Variants in CCDC81 observed in about 807,000 individuals in gnomAD.
The protein encoded by CCDC81 is coiled-coil domain containing 81.
A neutral mutation model predicts 83.7 loss-of-function variants in CCDC81; 79 were observed. The observed-to-expected ratio is 0.94, with a 90% CI of 0.79 to 1.14. CCDC81 has a LOEUF of 1.14. Among genes scored for constraint, CCDC81 ranks in the 50% most tolerant of loss-of-function variants. The pLI is 0.00. For synonymous variants in CCDC81, 252 were observed against 278.1 expected, an observed-to-expected ratio of 0.91 and a Z score of 0.93; for missense variants, 791 against 778.1, an observed-to-expected ratio of 1.02 and a Z score of -0.20.
At chr11:86,390,895 C>G (rs995678702) in intron 3 of CCDC81, among the ~76,000 whole-genome samples, 18 of 151,954 alleles carry the variant, frequency 1.2e-4, no homozygotes, top group East Asian at 9.6e-4. Flanking sequence ...GATACCAGAG[C>G]TTAGGAGAAG....
At chr11:86,380,728 C>A (rs1381107657) in intron 1 of CCDC81, among the ~76,000 whole-genome samples, 2 of 152,158 alleles carry the variant, frequency 1.3e-5, no homozygotes, top group African/African-American at 4.8e-5. Context: ...GTAAGCCTAT[C>A]AAAGGCATTC....
intron 10 of CCDC81, among the ~76,000 whole-genome samples, chr11:86,410,449 G>A (rs570734903): frequency 6.6e-6 from 1 of 152,226 alleles, no homozygotes; most frequent in South Asian, 2.1e-4. Flanking sequence ...CACTATATGA[G>A]CAAAAGAAGA....
intron 13 of CCDC81, 105 bp downstream of exon 13, chr11:86,415,418 T>G: frequency 1.2e-6 from 1 of 845,422 alleles, no homozygotes; most frequent in Non-Finnish European, 1.9e-6. Context: ...TCTCATACAA[T>G]AGTGGAGAAA....
intron 1 of CCDC81, among the ~76,000 whole-genome samples, chr11:86,379,044 T>C (rs368998776): frequency 1.6e-4 from 25 of 152,176 alleles, no homozygotes; most frequent in African/African-American, 5.8e-4. Context: ...TACCCATCTT[T>C]ATTTTCCACT....
intron 1 of CCDC81, among the ~76,000 whole-genome samples, chr11:86,384,959 TG>T (rs1948221555): frequency 6.6e-6 from 1 of 152,256 alleles, no homozygotes; most frequent in Admixed American, 6.5e-5. Flanking sequence ...CTACCACACT[TG>T]TTTGGAACAC....
In CCDC81 at chr11:86,391,181, C is replaced by G. The variant is rs532765736; in HGVS notation, c.299-1360C>G. ...CAAATGGGAGGAGAAAATCCAGAGGCAGGCAAGACAGCCTTCTTTTTAAGA... is the reference window on the plus strand; with the variant it reads ...CAAATGGGAGGAGAAAATCCAGAGGGAGGCAAGACAGCCTTCTTTTTAAGA... On this transcript the variant is annotated intron_variant, in intron 3 of 14. Coordinates refer to ENST00000445632, the MANE Select transcript of CCDC81 (RefSeq NM_001156474.2). 3.9e-5 allele frequency among the ~76,000 whole-genome samples: 6 copies of G among 152,276 alleles called. No individual in the cohort carries two copies. The East Asian group carries it at 5.8e-4, about 15-fold the overall frequency.
chr11:86,391,562 A>G (rs902145029), intron 3 of CCDC81, among the ~76,000 whole-genome samples: 1 of 152,104 alleles, frequency 6.6e-6, no homozygotes, highest in Non-Finnish European at 1.5e-5. Context: ...ATTCCTTTGT[A>G]GTGTCATATA....
At chr11:86,419,897 T>C (rs1476083294) in intron 13 of CCDC81, 31 bp from the exon 14 acceptor site, 1 of 1,586,002 alleles carries the variant, frequency 6.3e-7, no homozygotes, top group East Asian at 2.2e-5. Flanking sequence ...CTTCCAAGTA[T>C]TATGGAGCCA....
intron 1 of CCDC81, among the ~76,000 whole-genome samples, chr11:86,379,926 C>A (rs1948153921): frequency 6.6e-6 from 1 of 152,032 alleles, no homozygotes; most frequent in Non-Finnish European, 1.5e-5. Context: ...GTGGAGGTTG[C>A]AGTGAGCCAA....
chr11:86,404,981 T>C (rs1948544592), intron 7 of CCDC81, among the ~76,000 whole-genome samples: 3 of 152,220 alleles, frequency 2.0e-5, no homozygotes, highest in Admixed American at 2.0e-4. Context: ...TTTACAGTAA[T>C]TGTTTTATGT....
chr11:86,410,244 G>A (rs974779581), intron 10 of CCDC81, among the ~76,000 whole-genome samples: 10 of 152,110 alleles, frequency 6.6e-5, no homozygotes, highest in East Asian at 5.8e-4. Flanking sequence ...TCGACACTCC[G>A]GACATAAATC....
Position 86,400,748 on chromosome 11 carries a change from GC to G in CCDC81, c.829del (p.Leu277TrpfsTer14). ...CTGCCAAAGTGACAAATGTCAGCTT[GC>G]TGGAAAAGTTTGAACGAAGTGAGAG... ...FPAKVTNVSL[L>X]EKFERSESGG... On this transcript the variant is annotated frameshift_variant, in exon 7 of 15. Transcript: ENST00000445632. LOFTEE classifies it high-confidence loss of function. 6.2e-7 allele frequency: 1 copy of G among 1,613,154 alleles called. No individual in the cohort carries two copies. The highest frequency in any genetic ancestry group is 8.5e-7 in the Non-Finnish European group (1 of 1,179,264).
intron 1 of CCDC81, among the ~76,000 whole-genome samples, chr11:86,383,438 T>A (rs1948199567): frequency 6.6e-6 from 1 of 152,350 alleles, no homozygotes; most frequent in African/African-American, 2.4e-5. Flanking sequence ...GTAGGATTTT[T>A]AAATAATGAT....
chr11:86,415,704 TG>T (rs1369536754), intron 13 of CCDC81, among the ~76,000 whole-genome samples: 1 of 152,140 alleles, frequency 6.6e-6, no homozygotes, highest in Admixed American at 6.5e-5. Context: ...GACAGGGTTT[TG>T]CTCTGTCACC....
intron 3 of CCDC81, among the ~76,000 whole-genome samples, 184 bp downstream of exon 3, chr11:86,387,856 A>G (rs1334995415): frequency 6.6e-6 from 1 of 152,210 alleles, no homozygotes; most frequent in Non-Finnish European, 1.5e-5. Context: ...CCTGAAGGCC[A>G]TTTTAAACCC....
intron 7 of CCDC81, among the ~76,000 whole-genome samples, chr11:86,404,840 C>T (rs1369978083): frequency 1.3e-5 from 2 of 152,278 alleles, no homozygotes; most frequent in Non-Finnish European, 2.9e-5. Flanking sequence ...TCAGAAGACA[C>T]ATTTTATTAC....
At chr11:86,409,447 C>A in intron 10 of CCDC81, 82 bp downstream of exon 10, 1 of 609,568 alleles carries the variant, frequency 1.6e-6, no homozygotes, top group Non-Finnish European at 2.8e-6. Flanking sequence ...GCAGGTTGTG[C>A]CTTATTTTTT....
At chr11:86,410,922 T>C (rs4944576) in intron 10 of CCDC81, among the ~76,000 whole-genome samples, 41,872 of 152,196 alleles carry the variant, frequency 0.28, 6,313 homozygotes, top group Non-Finnish European at 0.35. Flanking sequence ...ATCTTTAATG[T>C]TGCCACACTG....
rs1948344825 is a variant in CCDC81, at chr11:86,392,485, T to A, written c.299-56T>A. The A allele has an allele frequency of 2.2e-5, 33 of 1,527,314 alleles. 1 individual carries two copies. The Middle Eastern group carries it at 7.2e-4, about 33-fold the overall frequency. 94.6% of individuals were successfully genotyped at this position (1,527,314 alleles called of 1,614,324 possible). On this transcript the variant is annotated intron_variant, in intron 3 of 14. Coordinates refer to ENST00000445632, the MANE Select transcript of CCDC81 (RefSeq NM_001156474.2). ...ATTATTTGTGAGTGTGTATGATATG[T>A]CCTTATGGTAATCACCACTTTCTTT...
Sources: gnomAD v4.1 joint callset for allele counts (sites outside exome capture counted in the v4.1 genomes callset) on GRCh38, gnomAD v4.1.1 for gene constraint, MANE v1.5 for transcripts, NCBI Gene and HGNC (gene_info 2026-07-23, HGNC 2026-07-21) for gene names.